NCLN: variants seen among roughly 807,000 people sequenced by gnomAD.
NCLN encodes the protein nicalin, also known as BOS complex subunit NCLN.
In NCLN, 34 loss-of-function variants were observed where a neutral mutation model predicts 69.5. The ratio of observed to expected loss-of-function variants is 0.49; its 90% CI spans 0.37 to 0.65. NCLN has a LOEUF of 0.65. NCLN is among the 30% of genes least tolerant of loss of function. The pLI, the probability that NCLN is intolerant of heterozygous loss-of-function variation, is 0.00. For missense variants in NCLN, 710 were observed against 804.8 expected (o/e 0.88, Z 1.42); for synonymous variants, 393 against 358.3 (o/e 1.10, Z -1.09).
chr19:3,206,854 C>T (rs1444717686), intron 12 of NCLN, among the ~76,000 whole-genome samples: 2 of 152,266 alleles, frequency 1.3e-5, no homozygotes, highest in East Asian at 3.9e-4. Flanking sequence ...TGGAGTCTTC[C>T]TCTGTCACCC....
intron 2 of NCLN, 26 bp downstream of exon 2, chr19:3,192,686 G>T: frequency 1.3e-6 from 2 of 1,501,782 alleles, no homozygotes; most frequent in Non-Finnish European, 8.9e-7. Flanking sequence ...GCCCCGCCCG[G>T]CTCAGGTCCA....
intron 8 of NCLN, among the ~76,000 whole-genome samples, 181 bp downstream of exon 8, chr19:3,204,325 C>G (rs1237387055): frequency 6.6e-6 from 1 of 151,832 alleles, no homozygotes; most frequent in African/African-American, 2.4e-5. Flanking sequence ...AACCCCGGGG[C>G]TCTGAGGGGC....
chr19:3,206,158 C>G lies in NCLN; in HGVS notation c.1303C>G (p.Pro435Ala), dbSNP rs1916260249. The change falls in exon 11 of 15, where the codon CCC (proline) becomes GCC (alanine). Residue 435 changes from proline to alanine, a missense_variant. Transcript: ENST00000246117. ...VIYNLTEKGTPPDMPVFTEQM... is the reference protein window; with the variant it reads ...VIYNLTEKGTAPDMPVFTEQM... ...TCCCCTCCTCTCTCCGCAGGGGACA[C>G]CCCCAGACATGCCGGTGTTCACAGA... 1 of 1,520,498 alleles carries G rather than the reference C, an allele frequency of 6.6e-7. No individual in the cohort carries two copies. The highest frequency in any genetic ancestry group is 8.8e-7 in the Non-Finnish European group (1 of 1,132,336). The allele number at this position is 1,520,498 out of a possible 1,614,324, so 94.2% of individuals were successfully genotyped here.
In NCLN at chr19:3,208,868, A is replaced by G. The variant is rs1916355557; in HGVS notation, c.*1180A>G. 1.3e-5 allele frequency: 2 copies of G among 152,204 alleles called. No individual in the cohort carries two copies. The highest frequency in any genetic ancestry group is 2.9e-5 in the Non-Finnish European group (2 of 68,142). 9.4% of individuals were successfully genotyped at this position (152,204 alleles called of 1,614,324 possible). A position where few individuals can be genotyped will look rare whatever the true frequency, so the allele number is the denominator to read the frequency against. The stretch of plus-strand genomic sequence containing the variant: ...GGGCCCTCGGGAAGCCTTGGACAGA[A>G]CCCTCCACCCCGCAGACCAGGCGTC... On this transcript the variant is annotated 3_prime_UTR_variant, in exon 15 of 15. Transcript: ENST00000246117.
At chr19:3,197,634 T>TA (rs1916001302) in intron 4 of NCLN, among the ~76,000 whole-genome samples, 1 of 151,240 alleles carries the variant, frequency 6.6e-6, no homozygotes, top group Non-Finnish European at 1.5e-5. Flanking sequence ...TTTTTTTTTT[T>TA]TTTGAGATGG....
At position 3,207,742 on chromosome 19, in the gene NCLN, G is replaced by A. The variant is rs1055700949; in HGVS notation, c.*54G>A. On this transcript the variant is annotated 3_prime_UTR_variant, in exon 15 of 15. Transcript: ENST00000246117. Reference sequence around the variant, plus strand: ...GCCGCTCCACAGTCCCTGGGGCCGAGCACGAGTGAGTGGACACTGCCCCGC... The same window carrying A: ...GCCGCTCCACAGTCCCTGGGGCCGAACACGAGTGAGTGGACACTGCCCCGC... 3 of 1,511,596 alleles carry A rather than the reference G, an allele frequency of 2.0e-6. No individual in the cohort carries two copies. 93.6% of individuals were successfully genotyped at this position (1,511,596 alleles called of 1,614,324 possible).
chr19:3,191,526 G>A (rs1915826927), intron 1 of NCLN, among the ~76,000 whole-genome samples: 1 of 152,204 alleles, frequency 6.6e-6, no homozygotes, highest in South Asian at 2.1e-4. Context: ...CCTAGAGCAG[G>A]CGAGCCCGAG....
Position 3,207,754 on chromosome 19 carries a change from G to A in NCLN, c.*66G>A. ...TCCCTGGGGCCGAGCACGAGTGAGT[G>A]GACACTGCCCCGCCGCGGGCGGCCC... On this transcript the variant is annotated 3_prime_UTR_variant, in exon 15 of 15. Coordinates refer to ENST00000246117, the MANE Select transcript of NCLN (RefSeq NM_020170.4). The A allele has an allele frequency of 7.0e-7, 1 of 1,437,198 alleles. No homozygotes were observed. Among genetic ancestry groups the A allele is most frequent in the African/African-American group, 1.4e-5 (1 of 71,380 alleles). 89.0% of individuals were successfully genotyped at this position (1,437,198 alleles called of 1,614,324 possible). A position where few individuals can be genotyped will look rare whatever the true frequency, so the allele number is the denominator to read the frequency against.
intron 1 of NCLN, 29 bp downstream of exon 1, chr19:3,186,243 T>C (rs2144889416): frequency 7.0e-7 from 1 of 1,427,594 alleles, no homozygotes; most frequent in South Asian, 1.4e-5. Flanking sequence ...CCCTCGGGGC[T>C]CCCCGGGCTC....
intron 1 of NCLN, among the ~76,000 whole-genome samples, chr19:3,187,777 CAGT>C (rs1915708594): frequency 1.3e-5 from 2 of 152,148 alleles, no homozygotes; most frequent in South Asian, 2.1e-4. Context: ...CCTGGGGCCA[CAGT>C]GGTGGTGTAT....
At chr19:3,187,639 GACC>G (rs1915704525) in intron 1 of NCLN, among the ~76,000 whole-genome samples, 1 of 152,190 alleles carries the variant, frequency 6.6e-6, no homozygotes, top group Admixed American at 6.5e-5. Flanking sequence ...TGGTTGTCAC[GACC>G]ACGGGTGCTC....
At position 3,207,413 on chromosome 19, in the gene NCLN, C is replaced by T; in HGVS notation, c.1576C>T (p.Leu526=). The change falls in exon 14 of 15, where the codon CTG becomes TTG. Residue 526 remains leucine (L), a synonymous_variant. Transcript: ENST00000246117. ...AYRVKPAVFD[L]LLAVGIAAYL... is the part of the protein sequence containing the mutation. Reference sequence around the variant, plus strand: ...CAGAGTCAAGCCGGCCGTCTTTGACCTGCTCCTGGCTGTTGGCATTGCTGC... The same window carrying T: ...CAGAGTCAAGCCGGCCGTCTTTGACTTGCTCCTGGCTGTTGGCATTGCTGC... The T allele has an allele frequency of 6.2e-7, 1 of 1,613,134 alleles. No individual in the cohort carries two copies. The highest frequency in any genetic ancestry group is 8.5e-7 in the Non-Finnish European group (1 of 1,180,018).
chr19:3,193,784 G>A (rs1915891351), intron 3 of NCLN, among the ~76,000 whole-genome samples: 1 of 152,208 alleles, frequency 6.6e-6, no homozygotes, highest in African/African-American at 2.4e-5. Context: ...GACATTCTCA[G>A]CATCACATCT....
chr19:3,207,767 C>T lies in NCLN; in HGVS notation c.*79C>T, dbSNP rs1158977592. ...GCACGAGTGAGTGGACACTGCCCCG[C>T]CGCGGGCGGCCCTGCAGGGACAGGG... On this transcript the variant is annotated 3_prime_UTR_variant, in exon 15 of 15. Transcript: ENST00000246117. 20 of 1,306,802 alleles carry T rather than the reference C, an allele frequency of 1.5e-5. No homozygotes were observed. In the East Asian group the frequency reaches 4.4e-4, roughly 29 times the overall value. 81.0% of individuals were successfully genotyped at this position (1,306,802 alleles called of 1,614,324 possible).
At chr19:3,206,054 G>C in intron 10 of NCLN, 28 bp downstream of exon 10, 2 of 1,610,544 alleles carry the variant, frequency 1.2e-6, no homozygotes, top group Non-Finnish European at 1.7e-6. Context: ...TGTGCCGCCA[G>C]ACCCAGCCCC....
rs1465052268 is a variant in NCLN at position 3,205,713 on chromosome 19, AC to A, written c.1209-224del. Reference sequence around the variant, plus strand: ...ACCAAGGCCTCAGGGCGTGAGCCTTACCTGCGCACAGGGACGGGTCAGGGCA... The same window carrying A: ...ACCAAGGCCTCAGGGCGTGAGCCTTACTGCGCACAGGGACGGGTCAGGGCA... On this transcript the variant is annotated intron_variant, in intron 9 of 14. Coordinates refer to ENST00000246117, the MANE Select transcript of NCLN (RefSeq NM_020170.4). This position sits in a 1 kb window ranked among gnomAD's most constrained non-coding sequence, Gnocchi z 4.6. 5.4e-6 allele frequency: 3 copies of A among 558,158 alleles called. No homozygotes were observed. The highest frequency in any genetic ancestry group is 6.5e-5 in the Admixed American group (2 of 30,786). The allele number at this position is 558,158 out of a possible 1,614,324, so 34.6% of individuals were successfully genotyped here. A position where few individuals can be genotyped will look rare whatever the true frequency, so the allele number is the denominator to read the frequency against.
intron 10 of NCLN, 51 bp downstream of exon 10, chr19:3,206,077 G>A (rs775978620): frequency 9.6e-6 from 15 of 1,559,542 alleles, no homozygotes; most frequent in African/African-American, 4.1e-5. Context: ...CCCTGCCCCC[G>A]GCCCCGGCCC....
In NCLN at chr19:3,205,121, C is replaced by T. The variant is rs1355050994; in HGVS notation, c.1208+370C>T. 2.6e-5 allele frequency among the ~76,000 whole-genome samples: 4 copies of T among 152,158 alleles called. No individual in the cohort carries two copies. The highest frequency in any genetic ancestry group is 2.9e-5 in the Non-Finnish European group (2 of 68,012). ...GGGAGCCTGGCCCGCCACCACACCC[C>T]GGCCCTTCCTCGCCCCGCCTCCCTC... On this transcript the variant is annotated intron_variant, in intron 9 of 14. Coordinates refer to ENST00000246117, the MANE Select transcript of NCLN (RefSeq NM_020170.4). This position sits in a 1 kb window ranked among gnomAD's most constrained non-coding sequence, Gnocchi z 4.6.
chr19:3,194,739 G>A (rs982872211), intron 3 of NCLN, among the ~76,000 whole-genome samples: 11 of 137,574 alleles, frequency 8.0e-5, no homozygotes, highest in African/African-American at 2.7e-4. Context: ...AAGAGGAGTC[G>A]TCTTCTTTTT....
Sources: gnomAD v4.1 joint callset for allele counts (sites outside exome capture counted in the v4.1 genomes callset) on GRCh38, gnomAD v4.1.1 for gene constraint, Gnocchi (gnomAD v3.1) non-coding constraint, MANE v1.5 for transcripts, NCBI Gene and HGNC (gene_info 2026-07-23, HGNC 2026-07-21) for gene names.